The following TTN variants were observed in gnomAD, a reference collection of about 807,000 sequenced individuals.
TTN encodes the protein connectin.
In TTN, 1,525 loss-of-function variants were observed where a neutral mutation model predicts 3,223.0. That is an observed-to-expected ratio of 0.47 (90% confidence interval 0.45 to 0.49). The LOEUF is 0.49. Ranked by LOEUF, TTN falls within the 20% of genes least tolerant of loss-of-function variation. TTN has a pLI of 0.00. For synonymous variants in TTN, 14,094 were observed against 15,161.0 expected, an observed-to-expected ratio of 0.93 and a Z score of 5.17; for missense variants, 40,786 against 43,424.0, an observed-to-expected ratio of 0.94 and a Z score of 5.40.
At position 178,620,394 on chromosome 2, in the gene TTN, C is replaced by T; in HGVS notation, c.46127G>A (p.Gly15376Glu). 1 of 1,612,138 alleles carries T rather than the reference C, an allele frequency of 6.2e-7. No individual in the cohort carries two copies. Among genetic ancestry groups the T allele is most frequent in the African/African-American group, 1.3e-5 (1 of 74,888 alleles). ...PDEGEYIVTA[G>E]QDKSVAELLI... Reference sequence around the variant, plus strand: ...AAGCTCAGCAACAGATTTATCTTGTCCAGCAGTGACAATGTATTCACCTTC... The same window carrying T: ...AAGCTCAGCAACAGATTTATCTTGTTCAGCAGTGACAATGTATTCACCTTC... Residue 15376 changes from glycine to glutamate, a missense_variant, in exon 248 of 363, where the codon GGA becomes GAA. By Grantham distance (98) the Gly-to-Glu change is moderately conservative. Coordinates refer to ENST00000589042, the MANE Select transcript of TTN (RefSeq NM_001267550.2).
Position 178,713,980 on chromosome 2 carries a change from G to A in TTN, c.26678C>T (p.Ala8893Val), listed in dbSNP as rs1353521188. The change falls in exon 92 of 363, where the codon GCA becomes GTA. Residue 8893 changes from alanine to valine, a missense_variant. Transcript: ENST00000589042. ...ACTGTATACCCCACTGTCACTCGGT[G>A]CTACATTGATGATCTTAAGGCCGGA... ...KVSGLKIINV[A>V]PSDSGVYSFE... 6.2e-7 allele frequency: 1 copy of A among 1,613,620 alleles called. No individual in the cohort carries two copies.
chr2:178,777,876 T>C lies in TTN; in HGVS notation c.4308A>G (p.Arg1436=). 2 of 1,614,042 alleles carry C rather than the reference T, an allele frequency of 1.2e-6. No homozygotes were observed. The highest frequency in any genetic ancestry group is 1.7e-6 in the Non-Finnish European group (2 of 1,179,940). The change falls in exon 25 of 363, where the codon AGA becomes AGG. Residue 1436 remains arginine (R), a synonymous_variant. Transcript: ENST00000589042. ...RMSPARMSPA[R]MSPGRRLEET... is the part of the protein sequence containing the mutation. ...CCTCCAGCCTACGTCCAGGGGACAT[T>C]CTTGCAGGGGACATCCGTGCAGGAG... is the stretch of plus-strand genomic sequence containing the variant.
chr2:178,527,319 A>G lies in TTN; in HGVS notation c.107681-12T>C, dbSNP rs1448556655. 9.5e-6 allele frequency: 15 copies of G among 1,580,742 alleles called. No individual in the cohort carries two copies. Among genetic ancestry groups the G allele is most frequent in the Non-Finnish European group, 1.2e-5 (14 of 1,164,274 alleles). On this transcript the variant is annotated splice_polypyrimidine_tract_variant and intron_variant, in intron 362 of 362. Coordinates refer to ENST00000589042, the MANE Select transcript of TTN (RefSeq NM_001267550.2). The stretch of plus-strand genomic sequence containing the variant: ...TTTAGGCGGAATTCCTTTATGGAAC[A>G]ATGACAAAAAAAAGGTCTTAGAATC...
rs750064248 is a variant in TTN, at chr2:178,775,620, C to G, written c.6244G>C (p.Glu2082Gln). The G allele has an allele frequency of 6.2e-7, 1 of 1,614,086 alleles. No individual in the cohort carries two copies. Among genetic ancestry groups the G allele is most frequent in the Admixed American group, 1.7e-5 (1 of 60,000 alleles). Residue 2082 changes from glutamate (E) to glutamine (Q), a missense_variant, in exon 28 of 363, where the codon GAA becomes CAA. Physicochemically the swap from Glu to Gln is conservative, Grantham distance 29. Transcript: ENST00000589042. ...CCCACTGTTTGGCTCTGGATTCTTT[C>G]GAAGATTTTTGGAGCCTCCATACTA... ...SPSMEAPKIF[E>Q]RIQSQTVGQG...
At position 178,757,576 on chromosome 2, in the gene TTN, G is replaced by C. The variant is rs1365864784; in HGVS notation, c.10644C>G (p.Ala3548=). 1 of 1,596,722 alleles carries C rather than the reference G, an allele frequency of 6.3e-7. No homozygotes were observed. Among genetic ancestry groups the C allele is most frequent in the South Asian group, 1.1e-5 (1 of 88,964 alleles). The change falls in exon 45 of 363, where the codon GCC becomes GCG. Residue 3548 remains alanine, a synonymous_variant. Coordinates refer to ENST00000589042, the MANE Select transcript of TTN (RefSeq NM_001267550.2). ...SCKAANSAGE[A]TCAATLTVTP... is the part of the protein sequence containing the mutation. Reference sequence around the variant, plus strand: ...TCACTGTGAGTGTAGCTGCACAAGTGGCTTCCCCAGCACTATTGGCTGCTT... The same window carrying C: ...TCACTGTGAGTGTAGCTGCACAAGTCGCTTCCCCAGCACTATTGGCTGCTT...
Position 178,565,431 on chromosome 2 carries a change from T to C in TTN, c.80701A>G (p.Ile26901Val), listed in dbSNP as rs201562505. ...IQAGEDLKIE[I>V]PVIGRPRPNI... ...GGTCTTGGTCGGCCTATAACTGGAA[T>C]TTCTATTTTAAGATCTTCTCCAGCT... Residue 26901 changes from isoleucine to valine, a missense_variant, in exon 326 of 363, where the codon ATT becomes GTT. By Grantham distance (29) the Ile-to-Val change is conservative. Coordinates refer to ENST00000589042, the MANE Select transcript of TTN (RefSeq NM_001267550.2). 1,495 of 1,613,444 alleles carry C rather than the reference T, an allele frequency of 9.3e-4. 12 individuals carry two copies. The highest frequency in any genetic ancestry group is 5.3e-3 in the Middle Eastern group (32 of 6,052).
At position 178,566,817 on chromosome 2, in the gene TTN, G is replaced by A. The variant is rs372968732; in HGVS notation, c.79315C>T (p.Arg26439Cys). 48 of 1,613,172 alleles carry A rather than the reference G, an allele frequency of 3.0e-5. No homozygotes were observed. The highest frequency in any genetic ancestry group is 9.3e-5 in the African/African-American group (7 of 74,876). The change falls in exon 326 of 363, where the codon CGC becomes TGC. Residue 26439 changes from arginine (R) to cysteine (C), a missense_variant. By Grantham distance (180) the Arg-to-Cys change is radical (BLOSUM62 -3). Transcript: ENST00000589042. ...CTTAGACGCAAATCTGTAATGCGGC[G>A]TTTATTACATTTTATCCATCGAATG... ...SGIRWIKCNK[R>C]RITDLRLRVT...
In TTN at chr2:178,539,406, G is replaced by T. The variant is rs55653324; in HGVS notation, c.98659C>A (p.Pro32887Thr). 6.2e-7 allele frequency: 1 copy of T among 1,612,598 alleles called. No individual in the cohort carries two copies. Among genetic ancestry groups the T allele is most frequent in the African/African-American group, 1.3e-5 (1 of 74,870 alleles). The change falls in exon 352 of 363, where the codon CCA becomes ACA. Residue 32887 changes from proline (P) to threonine (T), a missense_variant. Physicochemically the swap from Pro to Thr is conservative, Grantham distance 38. Coordinates refer to ENST00000589042, the MANE Select transcript of TTN (RefSeq NM_001267550.2). The stretch of plus-strand genomic sequence containing the variant: ...CTCAATGGTGTTTTTGGTGTGACTG[G>T]TTCCTCAGATTTCAAGGGTTTGCTT... ...GISKPLKSEE[P>T]VTPKTPLNPP...
intron 17 of TTN, 112 bp downstream of exon 17, chr2:178,783,608 G>T: frequency 1.0e-6 from 1 of 953,802 alleles, no homozygotes; most frequent in Non-Finnish European, 1.6e-6. Context: ...GCATCTGTAA[G>T]CTCACTAATG....
rs2077635686 is a variant in TTN at position 178,717,327 on chromosome 2, A to G, written c.25407T>C (p.Leu8469=). The G allele has an allele frequency of 1.2e-6, 2 of 1,613,586 alleles. No homozygotes were observed. The highest frequency in any genetic ancestry group is 8.5e-7 in the Non-Finnish European group (1 of 1,179,592). ...GACATTTAAAAGTACCACTTTCTCC[A>G]AGAGCAAGATCTACTGATACAGGCT... is the stretch of plus-strand genomic sequence containing the variant. ...DLKPVSVDLA[L]GESGTFKCHV... is the part of the protein sequence containing the mutation. Residue 8469 remains leucine (L), a synonymous_variant, in exon 88 of 363, where the codon CTT becomes CTC. Coordinates refer to ENST00000589042, the MANE Select transcript of TTN (RefSeq NM_001267550.2).
rs373206096 is a variant in TTN, at chr2:178,542,499, A to G, written c.97257T>C (p.Ile32419=). 5.3e-4 allele frequency: 848 copies of G among 1,612,660 alleles called. No individual in the cohort carries two copies. The highest frequency in any genetic ancestry group is 6.4e-4 in the Non-Finnish European group (753 of 1,178,920). ...IDEIDATSIT[I]SWEPPELDGG... is the part of the protein sequence containing the mutation. ...CGTCCAATTCAGGTGGTTCCCAGGA[A>G]ATGGTAATTGATGTAGCATCAATTT... The change falls in exon 349 of 363, where the codon ATT becomes ATC. Residue 32419 remains isoleucine (I), a synonymous_variant. Transcript: ENST00000589042.
Position 178,685,499 on chromosome 2 carries a change from A to T in TTN, c.32392+19T>A. The T allele has an allele frequency of 6.2e-7, 1 of 1,603,726 alleles. No homozygotes were observed. Among genetic ancestry groups the T allele is most frequent in the South Asian group, 1.1e-5 (1 of 88,554 alleles). ...GACAAGCTAACATAGGGATAAAACT[A>T]ATTAAAGAGTCAGCATACCTTCAGC... On this transcript the variant is annotated intron_variant, in intron 128 of 362. Transcript: ENST00000589042.
chr2:178,553,220 A>C lies in TTN; in HGVS notation c.89680T>G (p.Ser29894Ala). 1 of 1,613,750 alleles carries C rather than the reference A, an allele frequency of 6.2e-7. No individual in the cohort carries two copies. The highest frequency in any genetic ancestry group is 8.5e-7 in the Non-Finnish European group (1 of 1,179,824). ...ARYSIENTDS[S>A]SLLTIPQVTR... ...ACTTGAGGAATGGTGAGTAATGAGG[A>C]TGAATCAGTGTTTTCAATGCTGTAT... Residue 29894 changes from serine to alanine, a missense_variant, in exon 335 of 363, where the codon TCC becomes GCC. Transcript: ENST00000589042.
At position 178,571,167 on chromosome 2, in the gene TTN, C is replaced by T. The variant is rs567800207; in HGVS notation, c.74965G>A (p.Val24989Met). Residue 24989 changes from valine to methionine, a missense_variant, in exon 326 of 363, where the codon GTG becomes ATG. Physicochemically the swap from Val to Met is conservative, Grantham distance 21. Transcript: ENST00000589042. ...ACTTTACTCGGCTTGCCAATGCCCACGATGTTCTCTGCAGAGACTCTAAAT... is the reference window on the plus strand; with the variant it reads ...ACTTTACTCGGCTTGCCAATGCCCATGATGTTCTCTGCAGAGACTCTAAAT... ...YEFRVSAENI[V>M]GIGKPSKVSE... The T allele has an allele frequency of 2.5e-4, 409 of 1,613,470 alleles. 4 individuals carry two copies. In the South Asian group the frequency reaches 4.1e-3, roughly 16 times the overall value.
rs751429196 is a variant in TTN at position 178,740,989 on chromosome 2, C to A, written c.12244G>T (p.Ala4082Ser). The A allele has an allele frequency of 3.7e-6, 6 of 1,613,830 alleles. No homozygotes were observed. In the African/African-American group the frequency reaches 4.0e-5, roughly 11 times the overall value. The change falls in exon 48 of 363, where the codon GCT becomes TCT. Residue 4082 changes from alanine (A) to serine (S), a missense_variant. Coordinates refer to ENST00000589042, the MANE Select transcript of TTN (RefSeq NM_001267550.2). ...TGGTTTTCTTCTGTAATTAAAGCAG[C>A]TTTCAAAATGGTGTCTTTTACAAAC... ...ATFVKDTILKAALITEENQQL... is the reference protein window; with the variant it reads ...ATFVKDTILKSALITEENQQL...
At chr2:178,703,494 C>G (rs2075344548) in intron 106 of TTN, among the ~76,000 whole-genome samples, 1 of 152,124 alleles carries the variant, frequency 6.6e-6, no homozygotes, top group Admixed American at 6.5e-5. Context: ...GTTTCAGCAA[C>G]TACGAATGGG....
At chr2:178,615,518 C>T in intron 258 of TTN, 34 bp from the exon 259 acceptor site, 1 of 1,609,732 alleles carries the variant, frequency 6.2e-7, no homozygotes, top group Admixed American at 1.7e-5. Flanking sequence ...CAGTCTTACA[C>T]AGGCCACCTA....
chr2:178,672,157 C>G lies in TTN; in HGVS notation c.35041G>C (p.Glu11681Gln). 6.3e-7 allele frequency: 1 copy of G among 1,598,508 alleles called. No individual in the cohort carries two copies. The highest frequency in any genetic ancestry group is 8.5e-7 in the Non-Finnish European group (1 of 1,170,948). The part of the protein sequence containing the change: ...VEAEVEEIPE[E>Q]EEFHEVEEYF... ...TCTTCAACTTCATGGAACTCTTCTT[C>G]TTCCGGAATTTCTTCCACTTCTGCT... The change falls in exon 155 of 363, where the codon GAA (glutamate) becomes CAA (glutamine). Residue 11681 changes from glutamate (E) to glutamine (Q), a missense_variant. Physicochemically the swap from Glu to Gln is conservative, Grantham distance 29. Coordinates refer to ENST00000589042, the MANE Select transcript of TTN (RefSeq NM_001267550.2).
In TTN at chr2:178,534,062, T is replaced by G; in HGVS notation, c.102553A>C (p.Ile34185Leu). 1 of 1,613,860 alleles carries G rather than the reference T, an allele frequency of 6.2e-7. No individual in the cohort carries two copies. Among genetic ancestry groups the G allele is most frequent in the East Asian group, 2.2e-5 (1 of 44,892 alleles). Reference protein sequence around the residue: ...RQLENSEKYEITYEDGVAILY... With the variant: ...RQLENSEKYELTYEDGVAILY... ...ATGGCCACTCCATCTTCGTAGGTGA[T>G]TTCGTATTTCTCACTGTTCTCCAGC... is the stretch of plus-strand genomic sequence containing the variant. Residue 34185 changes from isoleucine (I) to leucine (L), a missense_variant, in exon 358 of 363, where the codon ATC (isoleucine) becomes CTC (leucine). Coordinates refer to ENST00000589042, the MANE Select transcript of TTN (RefSeq NM_001267550.2).
Sources: allele counts gnomAD v4.1 joint callset (sites outside exome capture counted in the v4.1 genomes callset), GRCh38; gene constraint gnomAD v4.1.1; transcripts MANE v1.5; gene names NCBI Gene and HGNC (gene_info 2026-07-23, HGNC 2026-07-21).